The following SCAF4 variants were observed in gnomAD, a reference collection of about 807,000 sequenced individuals.
SCAF4 encodes the protein SR-related and CTD-associated factor 4.
A neutral mutation model predicts 129.8 loss-of-function variants in SCAF4; 25 were observed. The ratio of observed to expected loss-of-function variants is 0.19; its 90% CI spans 0.14 to 0.27. The LOEUF is 0.27. Ranked by LOEUF, SCAF4 falls within the 10% of genes least tolerant of loss-of-function variation. The probability of loss-of-function intolerance (pLI) is 1.00; values close to 1 mark genes in which losing one functional copy is unlikely to be tolerated. For missense variants in SCAF4, 1,246 were observed against 1,457.1 expected, an observed-to-expected ratio of 0.86 and a Z score of 2.36; for synonymous variants, 551 against 497.7, an observed-to-expected ratio of 1.11 and a Z score of -1.43.
At chr21:31,728,974 C>A (rs2051277732) in intron 1 of SCAF4, among the ~76,000 whole-genome samples, 1 of 152,172 alleles carries the variant, frequency 6.6e-6, no homozygotes, top group Non-Finnish European at 1.5e-5. Context: ...ATGCCAAGGT[C>A]CATGGATTCC....
At chr21:31,706,160 G>A in intron 2 of SCAF4, 114 bp downstream of exon 2, 3 of 705,664 alleles carry the variant, frequency 4.3e-6, no homozygotes, top group South Asian at 1.7e-5. Context: ...AGGCTGGTTA[G>A]GGCTCTTTGA....
At chr21:31,716,358 T>C (rs967353016) in intron 1 of SCAF4, among the ~76,000 whole-genome samples, 15 of 152,000 alleles carry the variant, frequency 9.9e-5, no homozygotes, top group Non-Finnish European at 2.1e-4. Context: ...AAAGAAAAAA[T>C]AGAAATGTTT....
chr21:31,698,346 G>C (rs145904527), intron 7 of SCAF4, among the ~76,000 whole-genome samples: 1 of 152,064 alleles, frequency 6.6e-6, no homozygotes, highest in Admixed American at 6.5e-5. Flanking sequence ...TCCACTTAAG[G>C]TTAAATACTA....
At chr21:31,726,108 C>T (rs1489153352) in intron 1 of SCAF4, among the ~76,000 whole-genome samples, 5 of 150,996 alleles carry the variant, frequency 3.3e-5, no homozygotes, top group Non-Finnish European at 5.9e-5. Context: ...TGCAGTGGCG[C>T]GATCTCGGCT....
intron 7 of SCAF4, among the ~76,000 whole-genome samples, chr21:31,698,115 A>T (rs1392241709): frequency 6.6e-6 from 1 of 152,202 alleles, no homozygotes; most frequent in African/African-American, 2.4e-5. Flanking sequence ...ATTACATATT[A>T]ATATGTTCTT....
At chr21:31,721,762 T>C (rs1482218822) in intron 1 of SCAF4, among the ~76,000 whole-genome samples, 3 of 148,784 alleles carry the variant, frequency 2.0e-5, no homozygotes, top group Non-Finnish European at 4.4e-5. Context: ...AATCTCGCTC[T>C]GTTGCCCGGG....
At chr21:31,728,237 C>T (rs2051257858) in intron 1 of SCAF4, among the ~76,000 whole-genome samples, 1 of 152,142 alleles carries the variant, frequency 6.6e-6, no homozygotes, top group Non-Finnish European at 1.5e-5. Flanking sequence ...TATATATATA[C>T]ATATAATACA....
intron 5 of SCAF4, 127 bp from the exon 6 acceptor site, chr21:31,702,045 T>G: frequency 1.6e-6 from 2 of 1,282,830 alleles, no homozygotes; most frequent in Middle Eastern, 2.2e-4. Context: ...ATTGTGGCAC[T>G]AGAGTTTATA....
intron 7 of SCAF4, among the ~76,000 whole-genome samples, chr21:31,697,241 CAA>C (rs1440860487): frequency 6.6e-6 from 1 of 151,938 alleles, no homozygotes; most frequent in African/African-American, 2.4e-5. Context: ...GGCAAGGACA[CAA>C]AAAAGTCACT....
chr21:31,672,129 A>G lies in SCAF4; in HGVS notation c.2714T>C (p.Met905Thr). The change falls in exon 20 of 20, where the codon ATG becomes ACG. Residue 905 changes from methionine to threonine, a missense_variant. This residue lies in a region of SCAF4 where 339 missense variants were observed against 325.0 expected (regional missense o/e 1.04). Coordinates refer to ENST00000286835, the MANE Select transcript of SCAF4 (RefSeq NM_020706.2). ...GGFAMPPPHGMKGPFPPHGPF... is the reference protein window; with the variant it reads ...GGFAMPPPHGTKGPFPPHGPF... ...GCCATGCGGTGGGAAGGGACCTTTC[A>G]TTCCATGAGGTGGAGGCATCGCAAA... is the stretch of plus-strand genomic sequence containing the variant. 1 of 1,609,348 alleles carries G rather than the reference A, an allele frequency of 6.2e-7. No homozygotes were observed. The highest frequency in any genetic ancestry group is 1.1e-5 in the South Asian group (1 of 90,910).
rs770831065 is a variant in SCAF4, at chr21:31,685,043, A to G, written c.2488+6T>C. 1.9e-6 allele frequency: 3 copies of G among 1,576,498 alleles called. No homozygotes were observed. Among genetic ancestry groups the G allele is most frequent in the Non-Finnish European group, 2.6e-6 (3 of 1,148,024 alleles). The stretch of plus-strand genomic sequence containing the variant: ...GGAAAACTAATGATAAAAAAAAATA[A>G]CTTACCAAGAAGTGAAACAGGCTGG... On this transcript the variant is annotated splice_donor_region_variant and intron_variant, in intron 19 of 19. Transcript: ENST00000286835.
rs115018935 is a variant in SCAF4, at chr21:31,706,816, A to G, written c.31-459T>C. The G allele has an allele frequency of 4.3e-3, 1,013 of 233,746 alleles. 19 individuals are homozygous for G. Among genetic ancestry groups the G allele is most frequent in the African/African-American group, 0.023 (959 of 42,016 alleles). 14.5% of individuals were successfully genotyped at this position (233,746 alleles called of 1,614,324 possible). On this transcript the variant is annotated intron_variant, in intron 1 of 19. Transcript: ENST00000286835. ...ACCTGCAGAAAACGGAGAAACTAAA[A>G]CCAATGAGAGTCCAGCCTCTGATGA...
At chr21:31,720,754 G>A (rs902414503) in intron 1 of SCAF4, among the ~76,000 whole-genome samples, 2 of 152,154 alleles carry the variant, frequency 1.3e-5, no homozygotes, top group African/African-American at 4.8e-5. Flanking sequence ...GCAAATGCAG[G>A]ATTCTTTTCT....
intron 19 of SCAF4, among the ~76,000 whole-genome samples, chr21:31,677,537 A>G (rs1194608070): frequency 6.6e-6 from 1 of 152,122 alleles, no homozygotes; most frequent in African/African-American, 2.4e-5. Context: ...CAATCCAATG[A>G]AAGCACTTTT....
intron 12 of SCAF4, 43 bp downstream of exon 12, chr21:31,693,251 T>C (rs1742120566): frequency 7.6e-7 from 1 of 1,323,976 alleles, no homozygotes; most frequent in Non-Finnish European, 9.9e-7. Flanking sequence ...ACCCAAGACA[T>C]GAAAAAATAG....
chr21:31,703,765 CT>C lies in SCAF4; in HGVS notation c.320del (p.Lys107ArgfsTer4). 6.8e-7 allele frequency: 1 copy of C among 1,480,582 alleles called. No individual in the cohort carries two copies. The highest frequency in any genetic ancestry group is 9.3e-7 in the Non-Finnish European group (1 of 1,073,968). The allele number at this position is 1,480,582 out of a possible 1,614,324, so 91.7% of individuals were successfully genotyped here. On this transcript the variant is annotated frameshift_variant and splice_region_variant, in exon 4 of 20. Transcript: ENST00000286835. LOFTEE classifies it high-confidence loss of function. ...GTTTTAGTTTAAAAATTAATTATAC[CT>C]TATCTTCAGATGGACAAAGATATAA... The part of the protein sequence containing the change: ...QYLYLCPSED[K>X]SKIVRVLNLW...
intron 4 of SCAF4, among the ~76,000 whole-genome samples, 157 bp from the exon 5 acceptor site, chr21:31,702,536 G>A (rs2050559767): frequency 6.6e-6 from 1 of 151,940 alleles, no homozygotes; most frequent in Non-Finnish European, 1.5e-5. Context: ...TTACAACCTG[G>A]TTAAACTAAT....
At chr21:31,688,217 T>C in intron 16 of SCAF4, 90 bp downstream of exon 16, 1 of 1,297,068 alleles carries the variant, frequency 7.7e-7, no homozygotes, top group East Asian at 2.3e-5. Flanking sequence ...CTCATGTTTT[T>C]TACTATGAAT....
Position 31,717,896 on chromosome 21 carries a change from CACATATAT to C in SCAF4, c.31-11547_31-11540del, listed in dbSNP as rs1230665266. 5.8e-3 allele frequency among the ~76,000 whole-genome samples: 514 copies of C among 88,246 alleles called. 2 individuals are homozygous for C. Among genetic ancestry groups the C allele is most frequent in the African/African-American group, 0.014 (295 of 20,914 alleles). The allele number at this position is 88,246 out of a possible 152,430, so 57.9% of individuals were successfully genotyped here. On this transcript the variant is annotated intron_variant, in intron 1 of 19. Transcript: ENST00000286835. The stretch of plus-strand genomic sequence containing the variant: ...ATATACACATATATACACATATATA[CACATATAT>C]ACACACACACACACACACACACACA...
Sources: allele counts gnomAD v4.1 joint callset (sites outside exome capture counted in the v4.1 genomes callset), GRCh38; gene constraint gnomAD v4.1.1; regional missense constraint gnomAD v4.1.1; transcripts MANE v1.5; gene names NCBI Gene and HGNC (gene_info 2026-07-23, HGNC 2026-07-21).